The following TBC1D16 variants were observed in gnomAD, a reference collection of about 807,000 sequenced individuals.
TBC1D16 encodes TBC1 domain family member 16, also known as CTD-2529O21.1.
A neutral mutation model predicts 74.7 loss-of-function variants in TBC1D16; 58 were observed. That is an observed-to-expected ratio of 0.78 (90% CI 0.63 to 0.97). The LOEUF is 0.97. TBC1D16 is among the 50% of genes least tolerant of loss of function. The pLI is 0.00. For synonymous variants in TBC1D16, 493 were observed against 474.7 expected (o/e 1.04, Z -0.50); for missense variants, 1,014 against 1,079.5 (o/e 0.94, Z 0.85).
At chr17:79,943,246 G>A (rs374333540) in intron 10 of TBC1D16, among the ~76,000 whole-genome samples, 7 of 152,296 alleles carry the variant, frequency 4.6e-5, no homozygotes, top group South Asian at 2.1e-4. Flanking sequence ...TGGCTCTGAC[G>A]GATCCTTTTG....
intron 3 of TBC1D16, among the ~76,000 whole-genome samples, chr17:79,972,962 A>G (rs1251184639): frequency 1.3e-5 from 2 of 152,022 alleles, no homozygotes; most frequent in African/African-American, 4.8e-5. Context: ...CCTACCTGTA[A>G]TCCCAGCTGC....
chr17:80,027,016 G>A (rs1301341635), intron 1 of TBC1D16, among the ~76,000 whole-genome samples: 2 of 138,200 alleles, frequency 1.4e-5, no homozygotes, highest in African/African-American at 6.9e-5. Context: ...GCTGAGACAG[G>A]CCTGCAGCAA....
At chr17:80,012,920 CCA>C (rs2035945884) in intron 2 of TBC1D16, among the ~76,000 whole-genome samples, 2 of 152,082 alleles carry the variant, frequency 1.3e-5, no homozygotes. Context: ...CCCACCTCCA[CCA>C]CACACTGGCA....
chr17:80,015,532 G>A (rs1240283628), intron 1 of TBC1D16, among the ~76,000 whole-genome samples: 1 of 152,236 alleles, frequency 6.6e-6, no homozygotes, highest in African/African-American at 2.4e-5. Context: ...CCACAGCTGG[G>A]CTGCGTGCAG....
In TBC1D16 at chr17:79,950,507, G is replaced by A. The variant is rs1185996151; in HGVS notation, c.1161C>T (p.His387=). The A allele has an allele frequency of 6.2e-7, 1 of 1,613,364 alleles. No individual in the cohort carries two copies. Among genetic ancestry groups the A allele is most frequent in the East Asian group, 2.2e-5 (1 of 44,878 alleles). Residue 387 remains histidine (H), a synonymous_variant, in exon 6 of 12, where the codon CAC becomes CAT. Coordinates refer to ENST00000310924, the MANE Select transcript of TBC1D16 (RefSeq NM_019020.4). This position sits in a 1 kb window ranked among gnomAD's most constrained non-coding sequence, Gnocchi z 4.6. ...RRPKLPSSET[H]PEESMYKRLG... The stretch of plus-strand genomic sequence containing the variant: ...GCCTCTTGTACATGCTCTCCTCGGG[G>A]TGCGTCTCGGAGGACGGCAGCTTGG...
chr17:79,974,392 C>T (rs2034244819), intron 3 of TBC1D16, among the ~76,000 whole-genome samples: 1 of 152,260 alleles, frequency 6.6e-6, no homozygotes, highest in South Asian at 2.1e-4. Flanking sequence ...ACATACACCA[C>T]CACGCCTGGC....
At position 79,951,438 on chromosome 17, in the gene TBC1D16, C is replaced by A. The variant is rs1598337117; in HGVS notation, c.1089+12G>T. 5 of 1,611,466 alleles carry A rather than the reference C, an allele frequency of 3.1e-6. No homozygotes were observed. The East Asian group carries it at 1.1e-4, about 36-fold the overall frequency. On this transcript the variant is annotated intron_variant, in intron 5 of 11. Transcript: ENST00000310924. Reference sequence around the variant, plus strand: ...CAACCGCTGGGCATTCTGGGGCCGTCTGCTGGGCTACCTGGTCTTTGAGCT... The same window carrying A: ...CAACCGCTGGGCATTCTGGGGCCGTATGCTGGGCTACCTGGTCTTTGAGCT...
At chr17:79,947,585 C>T (rs1451565359) in intron 9 of TBC1D16, 60 bp downstream of exon 9, 53 of 1,576,744 alleles carry the variant, frequency 3.4e-5, no homozygotes, top group African/African-American at 5.4e-5. Flanking sequence ...CCGGCTACAA[C>T]GGGAGAGGCA....
At chr17:80,013,884 A>G (rs902710086) in intron 1 of TBC1D16, among the ~76,000 whole-genome samples, 28 of 152,202 alleles carry the variant, frequency 1.8e-4, no homozygotes, top group Admixed American at 1.8e-3. Context: ...GGCTTTGCCA[A>G]ATGTGCCCTG....
chr17:79,974,238 A>T (rs1030339526), intron 3 of TBC1D16, among the ~76,000 whole-genome samples: 23 of 151,226 alleles, frequency 1.5e-4, no homozygotes, highest in Non-Finnish European at 3.1e-4. Context: ...TTTCCATTTA[A>T]TTTTTTTTTT....
In TBC1D16 at chr17:80,007,763, C is replaced by G. The variant is rs79766175; in HGVS notation, c.779+2397G>C. Among the ~76,000 whole-genome samples, 272 of 152,140 alleles carry G rather than the reference C, an allele frequency of 1.8e-3. 3 individuals are homozygous for G. Among genetic ancestry groups the G allele is most frequent in the East Asian group, 6.6e-3 (34 of 5,172 alleles). On this transcript the variant is annotated intron_variant, in intron 3 of 11. Coordinates refer to ENST00000310924, the MANE Select transcript of TBC1D16 (RefSeq NM_019020.4). The surrounding 1 kb of genome is among the most constrained non-coding windows in gnomAD (Gnocchi z 4.5). ...CAAAGGCATGAGGCAGAGAGAGCCC[C>G]ACAAGATCTAGAGGCAGAGAGGACG... is the stretch of plus-strand genomic sequence containing the variant.
intron 3 of TBC1D16, among the ~76,000 whole-genome samples, chr17:79,997,226 G>A (rs2035307120): frequency 6.6e-6 from 1 of 152,176 alleles, no homozygotes. Flanking sequence ...ATGGGTGCCT[G>A]TAATACCCGT....
At position 79,969,424 on chromosome 17, in the gene TBC1D16, C is replaced by T. The variant is rs186452762; in HGVS notation, c.780-16606G>A. 1.6e-4 allele frequency among the ~76,000 whole-genome samples: 25 copies of T among 151,992 alleles called. No homozygotes were observed. In the East Asian group the frequency reaches 3.5e-3, roughly 21 times the overall value. On this transcript the variant is annotated intron_variant, in intron 3 of 11. Transcript: ENST00000310924. ...AAAAAGAAATACAAGTCAAAAACAA[C>T]GTTGAGATACCACTCCACACCCACT...
rs1198953390 is a variant in TBC1D16 at position 79,939,680 on chromosome 17, A to T, written c.*1179T>A. On this transcript the variant is annotated 3_prime_UTR_variant, in exon 12 of 12. Coordinates refer to ENST00000310924, the MANE Select transcript of TBC1D16 (RefSeq NM_019020.4). The stretch of plus-strand genomic sequence containing the variant: ...TTTTCTGTCCATCTCTAAATCCCAG[A>T]AGGAGCAACTGATACACAATCTTTT... 6.6e-6 allele frequency: 1 copy of T among 152,208 alleles called. No homozygotes were observed. Among genetic ancestry groups the T allele is most frequent in the African/African-American group, 2.4e-5 (1 of 41,436 alleles). The allele number at this position is 152,208 out of a possible 1,614,324, so 9.4% of individuals were successfully genotyped here.
Position 80,010,849 on chromosome 17 carries a change from C to T in TBC1D16, c.182-92G>A. 1.0e-6 allele frequency: 1 copy of T among 960,728 alleles called. No individual in the cohort carries two copies. Among genetic ancestry groups the T allele is most frequent in the Non-Finnish European group, 1.5e-6 (1 of 683,784 alleles). The allele number at this position is 960,728 out of a possible 1,614,324, so 59.5% of individuals were successfully genotyped here. A position where few individuals can be genotyped will look rare whatever the true frequency, so the allele number is the denominator to read the frequency against. On this transcript the variant is annotated intron_variant, in intron 2 of 11. Transcript: ENST00000310924. The surrounding 1 kb of genome is among the most constrained non-coding windows in gnomAD (Gnocchi z 8.8). The stretch of plus-strand genomic sequence containing the variant: ...TTTGGCGAGCTGCTCGGAGAGGCCA[C>T]TGCCCTTTAGTAAAGTGCCAGTCCG...
At chr17:79,978,388 T>C (rs892356752) in intron 3 of TBC1D16, among the ~76,000 whole-genome samples, 15 of 151,804 alleles carry the variant, frequency 9.9e-5, no homozygotes, top group Non-Finnish European at 2.9e-5. Context: ...TCAGGTTGAT[T>C]ACCAGCACGG....
chr17:79,945,193 A>G, intron 9 of TBC1D16, 106 bp from the exon 10 acceptor site: 1 of 1,258,292 alleles, frequency 7.9e-7, no homozygotes, highest in Non-Finnish European at 1.1e-6. Context: ...CCAGCCTGGA[A>G]AAGCACACCC....
At chr17:80,012,739 T>C (rs529684042) in intron 2 of TBC1D16, among the ~76,000 whole-genome samples, 2 of 152,304 alleles carry the variant, frequency 1.3e-5, no homozygotes, top group African/African-American at 4.8e-5. Flanking sequence ...CCATCTTGTC[T>C]GGGACTTCTG....
chr17:79,965,150 G>A (rs1205327418), intron 3 of TBC1D16, among the ~76,000 whole-genome samples: 4 of 152,060 alleles, frequency 2.6e-5, no homozygotes, highest in Non-Finnish European at 5.9e-5. Flanking sequence ...GATCTTGGTG[G>A]CTCACTGCAG....
Sources: gnomAD v4.1 joint callset for allele counts (sites outside exome capture counted in the v4.1 genomes callset) on GRCh38, gnomAD v4.1.1 for gene constraint, Gnocchi (gnomAD v3.1) non-coding constraint, MANE v1.5 for transcripts, NCBI Gene and HGNC (gene_info 2026-07-23, HGNC 2026-07-21) for gene names.